The following NCKAP5 variants were observed in gnomAD, a reference collection of about 807,000 sequenced individuals.
NCKAP5 encodes the protein NCK associated protein 5, also known as nck-associated protein 5.
NCKAP5 carries 92 observed loss-of-function variants against 167.0 expected under a neutral mutation model. That is an observed-to-expected ratio of 0.55 (90% confidence interval 0.47 to 0.66). The LOEUF is 0.66. Among genes scored for constraint, NCKAP5 ranks in the 30% least tolerant of loss-of-function variants. The probability of loss-of-function intolerance (pLI) is 0.00; values close to 1 mark genes in which losing one functional copy is unlikely to be tolerated. For missense variants in NCKAP5, 2,378 were observed against 2,315.0 expected, an observed-to-expected ratio of 1.03 and a Z score of -0.56; for synonymous variants, 891 against 877.4, an observed-to-expected ratio of 1.02 and a Z score of -0.27.
At chr2:133,659,287 T>A in the NCKAP5 span, among the ~76,000 whole-genome samples, 1 of 152,060 alleles carries the variant, frequency 6.6e-6, no homozygotes, top group African/African-American at 2.4e-5. Flanking sequence ...GATATCCACA[T>A]GCAAAAGAAT....
the NCKAP5 span, among the ~76,000 whole-genome samples, chr2:133,580,806 C>T: frequency 6.6e-6 from 1 of 152,158 alleles, no homozygotes; most frequent in Admixed American, 6.5e-5. Flanking sequence ...ATCACACCAT[C>T]AAAGACATTC....
At chr2:133,183,660 A>C (rs1432744483) in intron 5 of NCKAP5, among the ~76,000 whole-genome samples, 3 of 152,226 alleles carry the variant, frequency 2.0e-5, no homozygotes, top group Admixed American at 6.5e-5. Flanking sequence ...TTTTCTCACA[A>C]ATAATGAGAA....
At chr2:133,143,285 GT>G (rs1367115298) in intron 5 of NCKAP5, among the ~76,000 whole-genome samples, 6 of 152,236 alleles carry the variant, frequency 3.9e-5, no homozygotes, top group African/African-American at 1.2e-4. Flanking sequence ...TTACAAAAGT[GT>G]GCCATTACAC....
the NCKAP5 span, among the ~76,000 whole-genome samples, chr2:133,589,749 GA>G: frequency 6.6e-6 from 1 of 152,204 alleles, no homozygotes; most frequent in Non-Finnish European, 1.5e-5. Context: ...ACTGCATCAG[GA>G]AGGCTGCCAT....
At chr2:132,770,998 TTGATAA>T (rs1282969356) in intron 16 of NCKAP5, among the ~76,000 whole-genome samples, 1 of 152,202 alleles carries the variant, frequency 6.6e-6, no homozygotes, top group Non-Finnish European at 1.5e-5. Context: ...TACAGAATAT[TTGATAA>T]TGATAATAAG....
chr2:133,172,535 G>A lies in NCKAP5; in HGVS notation c.207+41181C>T, dbSNP rs528905081. Among the ~76,000 whole-genome samples, 10 of 152,240 alleles carry A rather than the reference G, an allele frequency of 6.6e-5. No individual in the cohort carries two copies. In the East Asian group the frequency reaches 1.3e-3, roughly 21 times the overall value. On this transcript the variant is annotated intron_variant, in intron 5 of 19. Transcript: ENST00000409261. ...TGCCTAAGCTGGAGTGCAAAGGCAC[G>A]ATCTTAGCTCACTGCAACCTCCGCC...
chr2:133,666,090 T>G, the NCKAP5 span, among the ~76,000 whole-genome samples: 1 of 151,700 alleles, frequency 6.6e-6, no homozygotes, highest in Non-Finnish European at 1.5e-5. Flanking sequence ...TGTAGAGAAA[T>G]ACATTTTTAA....
intron 3 of NCKAP5, among the ~76,000 whole-genome samples, chr2:133,466,814 C>G (rs1189577565): frequency 3.7e-4 from 56 of 151,876 alleles, no homozygotes; most frequent in African/African-American, 1.3e-3. Context: ...CTCTGTTTGT[C>G]TGTTGTTGGT....
intron 6 of NCKAP5, among the ~76,000 whole-genome samples, chr2:133,073,219 G>A (rs762582318): frequency 3.3e-5 from 5 of 151,430 alleles, no homozygotes; most frequent in Non-Finnish European, 5.9e-5. Flanking sequence ...AGAGTAGACA[G>A]GGAAATCTTT....
chr2:133,356,689 C>T (rs1192636283), intron 3 of NCKAP5, among the ~76,000 whole-genome samples: 2 of 152,128 alleles, frequency 1.3e-5, no homozygotes, highest in African/African-American at 2.4e-5. Flanking sequence ...TGAGAAAGCC[C>T]AATACCCAAC....
intron 6 of NCKAP5, among the ~76,000 whole-genome samples, chr2:133,032,582 C>T (rs1333067715): frequency 2.0e-5 from 3 of 152,148 alleles, no homozygotes; most frequent in Non-Finnish European, 4.4e-5. Flanking sequence ...GCTTTGCCAC[C>T]TGCTTATTGT....
intron 16 of NCKAP5, among the ~76,000 whole-genome samples, chr2:132,746,059 A>G (rs185724707): frequency 6.6e-6 from 1 of 151,778 alleles, no homozygotes; most frequent in African/African-American, 2.4e-5. Context: ...GTTTTTTTTT[A>G]AAAAAAGACG....
At chr2:132,713,823 G>A (rs371160985) in intron 19 of NCKAP5, among the ~76,000 whole-genome samples, 6 of 152,170 alleles carry the variant, frequency 3.9e-5, no homozygotes, top group African/African-American at 1.4e-4. Context: ...GCTGACTGGG[G>A]AAAGCTGGAA....
intron 3 of NCKAP5, among the ~76,000 whole-genome samples, chr2:133,315,499 G>C (rs1240180407): frequency 1.3e-5 from 2 of 152,086 alleles, no homozygotes; most frequent in African/African-American, 4.8e-5. Flanking sequence ...ATGTCAACCA[G>C]GTCGTTAGTG....
At chr2:133,069,067 A>C (rs567593741) in intron 6 of NCKAP5, among the ~76,000 whole-genome samples, 3 of 152,234 alleles carry the variant, frequency 2.0e-5, no homozygotes, top group Non-Finnish European at 4.4e-5. Flanking sequence ...ACTGTAACCC[A>C]AGGAGTGAGC....
chr2:133,511,406 G>A (rs766365119), intron 3 of NCKAP5, among the ~76,000 whole-genome samples: 14 of 152,128 alleles, frequency 9.2e-5, no homozygotes, highest in Non-Finnish European at 1.6e-4. Context: ...AGGTGGGCAG[G>A]GCACCTCTCC....
intron 8 of NCKAP5, among the ~76,000 whole-genome samples, chr2:132,899,886 C>A (rs1693485789): frequency 6.6e-6 from 1 of 151,962 alleles, no homozygotes; most frequent in Admixed American, 6.6e-5. Context: ...AACAAACAAA[C>A]AAACAAAAAC....
chr2:133,135,335 A>C (rs2082751347), intron 5 of NCKAP5, among the ~76,000 whole-genome samples: 1 of 151,950 alleles, frequency 6.6e-6, no homozygotes, highest in African/African-American at 2.4e-5. Context: ...GTAGGGAGGG[A>C]GGAAGAGAAG....
At chr2:133,247,590 A>G (rs1022542865) in intron 4 of NCKAP5, among the ~76,000 whole-genome samples, 24 of 152,192 alleles carry the variant, frequency 1.6e-4, no homozygotes, top group African/African-American at 5.5e-4. Context: ...CAAAGTATTT[A>G]TTGTGGGACA....
Sources: gnomAD v4.1 joint callset for allele counts (sites outside exome capture counted in the v4.1 genomes callset) on GRCh38, gnomAD v4.1.1 for gene constraint, MANE v1.5 for transcripts, NCBI Gene and HGNC (gene_info 2026-07-23, HGNC 2026-07-21) for gene names.